Variants in SNPH observed in about 807,000 individuals in gnomAD.
SNPH encodes the protein syntaphilin.
In SNPH, 10 loss-of-function variants were observed where a neutral mutation model predicts 36.8. That is an observed-to-expected ratio of 0.27 (90% CI 0.17 to 0.46). The LOEUF (loss-of-function observed/expected upper bound fraction) is 0.46. Among genes scored for constraint, SNPH ranks in the 20% least tolerant of loss-of-function variants. The pLI is 1.00. For missense variants in SNPH, 622 were observed against 744.0 expected, an observed-to-expected ratio of 0.84 and a Z score of 1.91; for synonymous variants, 281 against 312.2, an observed-to-expected ratio of 0.90 and a Z score of 1.05.
chr20:1,305,636 C>T lies in SNPH; in HGVS notation c.1199C>T (p.Ser400Leu). 1 of 1,613,494 alleles carries T rather than the reference C, an allele frequency of 6.2e-7. No individual in the cohort carries two copies. Among genetic ancestry groups the T allele is most frequent in the Non-Finnish European group, 8.5e-7 (1 of 1,179,988 alleles). The change falls in exon 7 of 7, where the codon TCA becomes TTA. Residue 400 changes from serine to leucine, a missense_variant. Coordinates refer to ENST00000381867, the MANE Select transcript of SNPH (RefSeq NM_001318234.2). ...DRCPELDAHP[S>L]GPRDPNSAVV... The stretch of plus-strand genomic sequence containing the variant: ...TGCCCAGAGCTGGATGCCCACCCTT[C>T]AGGGCCCAGAGACCCCAACTCAGCA...
chr20:1,295,521 C>T lies in SNPH; in HGVS notation c.-464-255C>T, dbSNP rs144879703. 3.8e-3 allele frequency among the ~76,000 whole-genome samples: 576 copies of T among 152,336 alleles called. 2 individuals are homozygous for T. The highest frequency in any genetic ancestry group is 0.011 in the African/African-American group (474 of 41,584). On this transcript the variant is annotated intron_variant, in intron 3 of 6. Transcript: ENST00000381867. ...GTGCTCATCTGCTTTAAGTCTGTGC[C>T]CCTACATTCCTGGTAGATGCCAAAA...
At position 1,292,709 on chromosome 20, in the gene SNPH, CCTT is replaced by C. The variant is rs34210731; in HGVS notation, c.-492-2239_-492-2237del. 3.6e-3 allele frequency among the ~76,000 whole-genome samples: 545 copies of C among 152,334 alleles called. 2 individuals are homozygous for C. The highest frequency in any genetic ancestry group is 0.012 in the African/African-American group (514 of 41,572). On this transcript the variant is annotated intron_variant, in intron 2 of 6. Transcript: ENST00000381867. ...GTGGCTCTGTGTGGCCTGCCCCCCT[CCTT>C]CTGCAGCCTCACTCCCACTGTACTT... is the stretch of plus-strand genomic sequence containing the variant.
chr20:1,293,868 G>C (rs991736853), intron 2 of SNPH, among the ~76,000 whole-genome samples: 2 of 152,156 alleles, frequency 1.3e-5, no homozygotes, highest in African/African-American at 4.8e-5. Flanking sequence ...GCTGGGACAA[G>C]GCCCTCATTG....
intron 2 of SNPH, among the ~76,000 whole-genome samples, chr20:1,291,934 C>T (rs953109311): frequency 6.6e-6 from 1 of 152,076 alleles, no homozygotes; most frequent in Non-Finnish European, 1.5e-5. Flanking sequence ...GAAACTGAGA[C>T]CCGAAAGTCC....
At chr20:1,270,352 T>C (rs1053075841) in intron 2 of SNPH, among the ~76,000 whole-genome samples, 5 of 151,290 alleles carry the variant, frequency 3.3e-5, no homozygotes, top group African/African-American at 1.2e-4. Flanking sequence ...CATACTGATA[T>C]GTGTGTGATG....
Position 1,296,357 on chromosome 20 carries a change from C to T in SNPH, c.118C>T (p.Arg40Trp), listed in dbSNP as rs367993627. The change falls in exon 4 of 7, where the codon CGG becomes TGG. Residue 40 changes from arginine (R) to tryptophan (W), a missense_variant. This residue lies in a region of SNPH where 187 missense variants were observed against 209.4 expected (regional missense o/e 0.89). Transcript: ENST00000381867. ...PGIPPIPPLT[R>W]THSLMAMSLP... ...GATACCGCCCATCCCACCCCTTACT[C>T]GGACCCACAGCCTCATGGCCATGTC... is the stretch of plus-strand genomic sequence containing the variant. 9 of 1,600,098 alleles carry T rather than the reference C, an allele frequency of 5.6e-6. 1 individual carries two copies. In the South Asian group the frequency reaches 6.7e-5, roughly 12 times the overall value.
intron 2 of SNPH, among the ~76,000 whole-genome samples, chr20:1,277,975 CTG>C (rs545119110): frequency 3.0e-5 from 4 of 134,464 alleles, no homozygotes; most frequent in South Asian, 4.8e-4. Context: ...CTGTGTGTAT[CTG>C]TGTGTGTGGC....
At chr20:1,283,839 G>T (rs2088253670) in intron 2 of SNPH, among the ~76,000 whole-genome samples, 5 of 152,270 alleles carry the variant, frequency 3.3e-5, no homozygotes, top group Middle Eastern at 3.4e-3. Flanking sequence ...TGCTGAGAAG[G>T]AGGAGAAGGC....
chr20:1,266,354 CG>C lies in SNPH; in HGVS notation c.-641del. ...CCTGCAGGGGCTCGGGAGAGCAATT[CG>C]GCGGCCCCTGCAGGGCAGCTGAAGC... is the stretch of plus-strand genomic sequence containing the variant. On this transcript the variant is annotated 5_prime_UTR_variant, in exon 1 of 7. Transcript: ENST00000381867. This position sits in a 1 kb window ranked among gnomAD's most constrained non-coding sequence, Gnocchi z 6.0. The C allele has an allele frequency of 3.9e-6, 1 of 253,770 alleles. No individual in the cohort carries two copies. The highest frequency in any genetic ancestry group is 1.3e-4 in the South Asian group (1 of 7,940). The allele number at this position is 253,770 out of a possible 1,614,324, so 15.7% of individuals were successfully genotyped here.
At chr20:1,271,233 G>A (rs1457346572) in intron 2 of SNPH, among the ~76,000 whole-genome samples, 2 of 152,226 alleles carry the variant, frequency 1.3e-5, no homozygotes, top group Admixed American at 6.5e-5. Context: ...GTGGCCTTAG[G>A]TCAGACCCTT....
At chr20:1,284,753 T>C (rs1021103900) in intron 2 of SNPH, among the ~76,000 whole-genome samples, 1 of 150,742 alleles carries the variant, frequency 6.6e-6, no homozygotes, top group Non-Finnish European at 1.5e-5. Flanking sequence ...GCAGAGTGAA[T>C]GAGGGGGAGA....
chr20:1,305,984 T>C lies in SNPH; in HGVS notation c.1547T>C (p.Ile516Thr). 1 of 1,543,406 alleles carries C rather than the reference T, an allele frequency of 6.5e-7. No homozygotes were observed. The highest frequency in any genetic ancestry group is 8.7e-7 in the Non-Finnish European group (1 of 1,144,448). Reference sequence around the variant, plus strand: ...TGCTGCACTGTGGCCTTGCACTCCATCCGCAGGATCAGCTGCCGCTCGCTG... The same window carrying C: ...TGCTGCACTGTGGCCTTGCACTCCACCCGCAGGATCAGCTGCCGCTCGCTG... Reference protein sequence around the residue: ...RGCCTVALHSIRRISCRSLSQ... With the variant: ...RGCCTVALHSTRRISCRSLSQ... Residue 516 changes from isoleucine to threonine, a missense_variant, in exon 7 of 7, where the codon ATC becomes ACC. Coordinates refer to ENST00000381867, the MANE Select transcript of SNPH (RefSeq NM_001318234.2).
At chr20:1,291,545 C>T (rs2088360686) in intron 2 of SNPH, among the ~76,000 whole-genome samples, 1 of 152,196 alleles carries the variant, frequency 6.6e-6, no homozygotes, top group African/African-American at 2.4e-5. Flanking sequence ...ATTCCCACCT[C>T]TCTGCATTAG....
chr20:1,277,842 AGTGTGTGTGTCC>A (rs1317545437), intron 2 of SNPH, among the ~76,000 whole-genome samples: 59 of 40,770 alleles, frequency 1.4e-3, no homozygotes, highest in Admixed American at 7.0e-3. Flanking sequence ...TGTGTGTGTC[AGTGTGTGTGTCC>A]GTGTGTGTGC....
chr20:1,298,266 T>A (rs2088463737), intron 5 of SNPH, among the ~76,000 whole-genome samples: 1 of 152,204 alleles, frequency 6.6e-6, no homozygotes, highest in Admixed American at 6.5e-5. Context: ...AGTTGGCCAA[T>A]AACTGATACC....
At chr20:1,280,690 T>C (rs2088206714) in intron 2 of SNPH, among the ~76,000 whole-genome samples, 1 of 152,184 alleles carries the variant, frequency 6.6e-6, no homozygotes, top group Non-Finnish European at 1.5e-5. Flanking sequence ...TACCAGGCTT[T>C]GTCCCAAGAG....
rs1229667541 is a variant in SNPH at position 1,294,148 on chromosome 20, G to A, written c.-492-803G>A. 6.6e-6 allele frequency among the ~76,000 whole-genome samples: 1 copy of A among 152,246 alleles called. No homozygotes were observed. Among genetic ancestry groups the A allele is most frequent in the Non-Finnish European group, 1.5e-5 (1 of 68,040 alleles). ...CCAGGCCGACCTGGGCCAGAAGCCAGAGCATGTCACACCTGCAGCTGTGTG... is the reference window on the plus strand; with the variant it reads ...CCAGGCCGACCTGGGCCAGAAGCCAAAGCATGTCACACCTGCAGCTGTGTG... On this transcript the variant is annotated intron_variant, in intron 2 of 6. Transcript: ENST00000381867. This position sits in a 1 kb window ranked among gnomAD's most constrained non-coding sequence, Gnocchi z 4.4.
chr20:1,290,754 T>C (rs2088351585), intron 2 of SNPH, among the ~76,000 whole-genome samples: 1 of 152,234 alleles, frequency 6.6e-6, no homozygotes, highest in Admixed American at 6.5e-5. Context: ...TGTTTAACTT[T>C]TCGAGGAACC....
At chr20:1,288,942 C>T (rs1397065491) in intron 2 of SNPH, among the ~76,000 whole-genome samples, 1 of 152,058 alleles carries the variant, frequency 6.6e-6, no homozygotes, top group Non-Finnish European at 1.5e-5. Context: ...TTTTAAACGA[C>T]TCTCTGTAGT....
Sources: allele counts gnomAD v4.1 joint callset (sites outside exome capture counted in the v4.1 genomes callset), GRCh38; gene constraint gnomAD v4.1.1; regional missense constraint gnomAD v4.1.1; non-coding constraint Gnocchi (gnomAD v3.1); transcripts MANE v1.5; gene names NCBI Gene and HGNC (gene_info 2026-07-23, HGNC 2026-07-21).